Variants in GRID2 observed in about 807,000 individuals in gnomAD.
GRID2 encodes the protein glutamate ionotropic receptor delta type subunit 2.
A neutral mutation model predicts 114.8 loss-of-function variants in GRID2; 33 were observed. That is an observed-to-expected ratio of 0.29 (90% confidence interval 0.22 to 0.38). The LOEUF is 0.38. GRID2 is among the 10% of genes least tolerant of loss of function. GRID2 has a pLI of 1.00. For missense variants in GRID2, 1,184 were observed against 1,257.7 expected, an observed-to-expected ratio of 0.94 and a Z score of 0.89; for synonymous variants, 505 against 449.9, an observed-to-expected ratio of 1.12 and a Z score of -1.55.
At chr4:93,002,869 C>A (rs1313484707) in intron 2 of GRID2, among the ~76,000 whole-genome samples, 1 of 151,636 alleles carries the variant, frequency 6.6e-6, no homozygotes, top group African/African-American at 2.4e-5. Context: ...GGGGAGAATC[C>A]ATTTCTTCAT....
At chr4:93,699,039 T>A (rs973107664) in intron 14 of GRID2, among the ~76,000 whole-genome samples, 1 of 152,072 alleles carries the variant, frequency 6.6e-6, no homozygotes, top group Admixed American at 6.6e-5. Flanking sequence ...AGGGTGCCCA[T>A]CCTATAACGT....
chr4:93,732,063 A>G (rs1362068074), intron 14 of GRID2, among the ~76,000 whole-genome samples: 2 of 152,226 alleles, frequency 1.3e-5, no homozygotes, highest in Admixed American at 6.5e-5. Flanking sequence ...TGAAGCATCA[A>G]GAAAAATCAG....
intron 2 of GRID2, among the ~76,000 whole-genome samples, chr4:92,773,800 T>C (rs1419911546): frequency 6.6e-6 from 1 of 152,072 alleles, no homozygotes; most frequent in African/African-American, 2.4e-5. Flanking sequence ...ATGTAAAGTA[T>C]AATTTAGAGC....
chr4:93,432,954 G>A (rs891047941), intron 10 of GRID2, among the ~76,000 whole-genome samples: 9 of 152,138 alleles, frequency 5.9e-5, no homozygotes, highest in South Asian at 4.2e-4. Context: ...GCTCTAGTCC[G>A]AGCTGTTGAG....
chr4:92,624,263 TA>T (rs1054184345), intron 2 of GRID2, among the ~76,000 whole-genome samples: 1 of 151,830 alleles, frequency 6.6e-6, no homozygotes, highest in African/African-American at 2.4e-5. Flanking sequence ...CAAACAATCT[TA>T]TTAAGTATAA....
intron 13 of GRID2, among the ~76,000 whole-genome samples, chr4:93,605,563 T>C (rs886410621): frequency 3.9e-5 from 6 of 152,184 alleles, no homozygotes; most frequent in Admixed American, 2.0e-4. Context: ...TGTTTGAGAA[T>C]TGGAATATAG....
chr4:93,614,896 A>C (rs574703566), intron 13 of GRID2, among the ~76,000 whole-genome samples: 1 of 152,168 alleles, frequency 6.6e-6, no homozygotes, highest in Non-Finnish European at 1.5e-5. Context: ...TCTGTCCCCA[A>C]ATATAGTAGG....
At chr4:92,775,842 T>C (rs1003525237) in intron 2 of GRID2, among the ~76,000 whole-genome samples, 4 of 152,200 alleles carry the variant, frequency 2.6e-5, no homozygotes, top group African/African-American at 9.6e-5. Context: ...TCATTTCTTA[T>C]GTCAAGGCCC....
intron 12 of GRID2, among the ~76,000 whole-genome samples, chr4:93,505,515 G>A (rs936164345): frequency 2.0e-5 from 3 of 150,782 alleles, no homozygotes; most frequent in African/African-American, 7.3e-5. Flanking sequence ...TTTTTACCAT[G>A]CACAGGAAAA....
intron 4 of GRID2, among the ~76,000 whole-genome samples, chr4:93,171,667 G>C (rs1738831679): frequency 6.6e-6 from 1 of 152,196 alleles, no homozygotes; most frequent in Non-Finnish European, 1.5e-5. Context: ...GCCATAGGAA[G>C]AGGAGGTTTA....
At chr4:92,862,851 A>G (rs1744620576) in intron 2 of GRID2, among the ~76,000 whole-genome samples, 1 of 152,068 alleles carries the variant, frequency 6.6e-6, no homozygotes, top group South Asian at 2.1e-4. Flanking sequence ...TTAAATCCTG[A>G]AAGCTCAGTG....
chr4:92,788,673 T>G (rs1739433417), intron 2 of GRID2, among the ~76,000 whole-genome samples: 1 of 151,898 alleles, frequency 6.6e-6, no homozygotes, highest in Non-Finnish European at 1.5e-5. Context: ...ATTTTTATTT[T>G]CCTGACTACA....
At position 93,010,645 on chromosome 4, in the gene GRID2, C is replaced by T. The variant is rs1056682714; in HGVS notation, c.245-74350C>T. ...TTTGACTATTGCTGTGAAGATTTCTCACAACAACCTAATTTTCTTTTTTCC... is the reference window on the plus strand; with the variant it reads ...TTTGACTATTGCTGTGAAGATTTCTTACAACAACCTAATTTTCTTTTTTCC... On this transcript the variant is annotated intron_variant, in intron 2 of 15. Transcript: ENST00000282020. 1.4e-4 allele frequency among the ~76,000 whole-genome samples: 21 copies of T among 152,174 alleles called. 1 individual carries two copies. Among genetic ancestry groups the T allele is most frequent in the African/African-American group, 4.3e-4 (18 of 41,444 alleles).
At chr4:93,528,115 ATG>A (rs1222549965) in intron 13 of GRID2, among the ~76,000 whole-genome samples, 1 of 151,840 alleles carries the variant, frequency 6.6e-6, no homozygotes, top group African/African-American at 2.4e-5. Context: ...ATGTGTATAT[ATG>A]TGTGTGTATA....
intron 2 of GRID2, among the ~76,000 whole-genome samples, chr4:92,974,488 C>A (rs1305701518): frequency 6.6e-6 from 1 of 152,066 alleles, no homozygotes; most frequent in Non-Finnish European, 1.5e-5. Context: ...ACATATACAC[C>A]ATGGAATACT....
chr4:92,641,313 G>C (rs991648743), intron 2 of GRID2, among the ~76,000 whole-genome samples: 6 of 151,158 alleles, frequency 4.0e-5, no homozygotes, highest in African/African-American at 7.3e-5. Flanking sequence ...AATTTTTTTA[G>C]GACAGGATCT....
At chr4:93,398,441 A>G (rs1765566361) in intron 9 of GRID2, among the ~76,000 whole-genome samples, 1 of 151,530 alleles carries the variant, frequency 6.6e-6, no homozygotes, top group South Asian at 2.1e-4. Context: ...CTCCAGTCCT[A>G]CTGTGATAAG....
At chr4:92,967,719 A>C (rs111688080) in intron 2 of GRID2, among the ~76,000 whole-genome samples, 3 of 152,028 alleles carry the variant, frequency 2.0e-5, no homozygotes, top group African/African-American at 7.2e-5. Flanking sequence ...GGAGTTAATT[A>C]TCTTTGTTGA....
chr4:92,438,427 T>C (rs924948750), intron 1 of GRID2, among the ~76,000 whole-genome samples: 6 of 152,304 alleles, frequency 3.9e-5, no homozygotes, highest in Middle Eastern at 6.8e-3. Context: ...CCCTGTCCTT[T>C]ATCTTAATAT....
Sources: allele counts gnomAD v4.1 joint callset (sites outside exome capture counted in the v4.1 genomes callset), GRCh38; gene constraint gnomAD v4.1.1; transcripts MANE v1.5; gene names NCBI Gene and HGNC (gene_info 2026-07-23, HGNC 2026-07-21).